Variants in SHISA9 observed in about 807,000 individuals in gnomAD.
The protein encoded by SHISA9 is shisa family member 9.
A neutral mutation model predicts 38.0 loss-of-function variants in SHISA9; 13 were observed. The observed-to-expected ratio is 0.34, with a 90% CI of 0.22 to 0.54. The LOEUF is 0.54. Ranked by LOEUF, SHISA9 falls within the 20% of genes least tolerant of loss-of-function variation. The probability of loss-of-function intolerance (pLI) is 0.91; values close to 1 mark genes in which losing one functional copy is unlikely to be tolerated. For synonymous variants in SHISA9, 275 were observed against 242.0 expected, an observed-to-expected ratio of 1.14 and a Z score of -1.27; for missense variants, 538 against 575.8, an observed-to-expected ratio of 0.93 and a Z score of 0.67.
chr16:13,284,729 C>G, the SHISA9 span, among the ~76,000 whole-genome samples: 1 of 152,144 alleles, frequency 6.6e-6, no homozygotes, highest in East Asian at 1.9e-4. Context: ...TCCCAAGTAG[C>G]TGGGATTACA....
chr16:12,914,339 C>T (rs979339244), intron 1 of SHISA9, among the ~76,000 whole-genome samples: 1 of 151,884 alleles, frequency 6.6e-6, no homozygotes, highest in South Asian at 2.1e-4. Flanking sequence ...CCACCGTGCC[C>T]GGTAGTTTAT....
chr16:13,242,829 G>A (rs75319453), downstream of SHISA9, among the ~76,000 whole-genome samples: 195 of 152,326 alleles, frequency 1.3e-3, 2 homozygotes, highest in African/African-American at 4.5e-3. Context: ...GCTCCTGGAT[G>A]ACTGGGATTT....
At chr16:12,970,497 A>ATATATATTTT (rs2072065619) in intron 2 of SHISA9, among the ~76,000 whole-genome samples, 2 of 17,596 alleles carry the variant, frequency 1.1e-4, no homozygotes, top group African/African-American at 4.9e-4. Flanking sequence ...ATATATATAT[A>ATATATATTTT]TTTTTTTTTT....
intron 2 of SHISA9, among the ~76,000 whole-genome samples, chr16:13,120,160 G>C: frequency 6.6e-6 from 1 of 152,188 alleles, no homozygotes; most frequent in East Asian, 1.9e-4. Flanking sequence ...AAAGAAGGAA[G>C]GGTGCAGATA....
At position 12,998,684 on chromosome 16, in the gene SHISA9, C is replaced by A. The variant is rs568340024; in HGVS notation, c.691+81869C>A. ...TAGCTAGGATTACAGGCATGGGCCC[C>A]CATGCTTGACTAATTTTAATTTTAT... On this transcript the variant is annotated intron_variant, in intron 2 of 4. Transcript: ENST00000558583. Among the ~76,000 whole-genome samples, 140 of 152,172 alleles carry A rather than the reference C, an allele frequency of 9.2e-4. 1 individual carries two copies. Among genetic ancestry groups the A allele is most frequent in the African/African-American group, 3.3e-3 (136 of 41,522 alleles).
chr16:13,148,497 C>T (rs559016462), intron 2 of SHISA9, among the ~76,000 whole-genome samples: 4 of 152,268 alleles, frequency 2.6e-5, no homozygotes, highest in South Asian at 2.1e-4. Context: ...TACCCACCCA[C>T]GTCACATTGA....
intron 4 of SHISA9, among the ~76,000 whole-genome samples, chr16:13,224,081 T>C (rs185234674): frequency 6.6e-6 from 1 of 152,284 alleles, no homozygotes; most frequent in East Asian, 1.9e-4. Context: ...TTGAGAGTAT[T>C]GAAGGGGATA....
intron 2 of SHISA9, among the ~76,000 whole-genome samples, chr16:13,122,866 G>A (rs921943055): frequency 1.3e-5 from 2 of 152,156 alleles, no homozygotes; most frequent in Non-Finnish European, 2.9e-5. Context: ...GGCCAACATG[G>A]CAAAACCTCA....
Position 12,921,416 on chromosome 16 carries a change from C to T in SHISA9, c.691+4601C>T, listed in dbSNP as rs150866921. On this transcript the variant is annotated intron_variant, in intron 2 of 4. Coordinates refer to ENST00000558583, the MANE Select transcript of SHISA9 (RefSeq NM_001145204.3). The stretch of plus-strand genomic sequence containing the variant: ...GGACCATTTATGAGTCCATATTTAC[C>T]GAGGCACCTGGGATGTCCTACACTT... 9.6e-3 allele frequency among the ~76,000 whole-genome samples: 1,454 copies of T among 152,170 alleles called. 7 individuals carry two copies. The highest frequency in any genetic ancestry group is 0.048 in the Middle Eastern group (14 of 294).
At chr16:13,355,438 C>T in the SHISA9 span, among the ~76,000 whole-genome samples, 7 of 151,072 alleles carry the variant, frequency 4.6e-5, no homozygotes, top group African/African-American at 1.5e-4. Flanking sequence ...AAGAGGAGGA[C>T]GCAAAGGAGG....
At chr16:13,561,153 C>T in the SHISA9 span, among the ~76,000 whole-genome samples, 3 of 152,162 alleles carry the variant, frequency 2.0e-5, no homozygotes, top group Non-Finnish European at 4.4e-5. Context: ...AAGCATGGGC[C>T]GCCGCGCCTG....
chr16:12,956,649 A>G (rs377551403), intron 2 of SHISA9, among the ~76,000 whole-genome samples: 2 of 152,214 alleles, frequency 1.3e-5, no homozygotes, highest in African/African-American at 2.4e-5. Flanking sequence ...TCATGTTCTC[A>G]CTTGTAAGTG....
Position 12,902,502 on chromosome 16 carries a change from C to G in SHISA9, c.438C>G (p.Thr146=). ...ARKDDPLHDP[T]KDKTNLIVYI... ...AGGACGACCCCTTGCACGACCCCAC[C>G]AAGGACAAGACCAACCTGATCGTCT... The change falls in exon 1 of 5, where the codon ACC becomes ACG. Residue 146 remains threonine, a synonymous_variant. Transcript: ENST00000558583. 1 of 1,551,634 alleles carries G rather than the reference C, an allele frequency of 6.4e-7. No individual in the cohort carries two copies. Among genetic ancestry groups the G allele is most frequent in the South Asian group, 1.2e-5 (1 of 84,068 alleles).
chr16:13,476,535 G>T, the SHISA9 span, among the ~76,000 whole-genome samples: 54 of 152,176 alleles, frequency 3.5e-4, no homozygotes, highest in African/African-American at 1.2e-3. Context: ...TTATTAAAGT[G>T]CTTAGGAGGA....
At chr16:13,337,864 G>A in the SHISA9 span, among the ~76,000 whole-genome samples, 1 of 152,176 alleles carries the variant, frequency 6.6e-6, no homozygotes, top group South Asian at 2.1e-4. Flanking sequence ...GCTCTGCCAT[G>A]TAAAGATGTG....
intron 3 of SHISA9, among the ~76,000 whole-genome samples, chr16:13,206,480 A>C (rs530487905): frequency 1.3e-5 from 2 of 152,328 alleles, no homozygotes; most frequent in South Asian, 2.1e-4. Context: ...TGTGGTAACC[A>C]TAATCAACAC....
chr16:13,268,670 T>G, the SHISA9 span, among the ~76,000 whole-genome samples: 2 of 152,158 alleles, frequency 1.3e-5, no homozygotes, highest in Admixed American at 1.3e-4. Context: ...TATTTTCCTT[T>G]TTTAGTGTAG....
the SHISA9 span, among the ~76,000 whole-genome samples, chr16:13,444,817 T>G: frequency 6.6e-6 from 1 of 150,462 alleles, no homozygotes; most frequent in African/African-American, 2.4e-5. Context: ...CCATCTTCCC[T>G]TCCCTTCCCT....
intron 2 of SHISA9, among the ~76,000 whole-genome samples, chr16:12,930,289 A>G (rs539964843): frequency 1.1e-3 from 164 of 152,292 alleles, no homozygotes; most frequent in African/African-American, 3.8e-3. Flanking sequence ...TTCTTTGTCA[A>G]TTCATTGGGA....
Sources: allele counts gnomAD v4.1 joint callset (sites outside exome capture counted in the v4.1 genomes callset), GRCh38; gene constraint gnomAD v4.1.1; transcripts MANE v1.5; gene names NCBI Gene and HGNC (gene_info 2026-07-23, HGNC 2026-07-21).